The following DACH1 variants were observed in gnomAD, a reference collection of about 807,000 sequenced individuals.
DACH1 encodes dachshund family transcription factor 1, also known as dachshund homolog 1.
Under a neutral mutation model 54.2 loss-of-function variants are expected in DACH1, and 12 were observed. That is an observed-to-expected ratio of 0.22 (90% CI 0.14 to 0.36). The LOEUF is 0.36. Among genes scored for constraint, DACH1 ranks in the 10% least tolerant of loss-of-function variants. The pLI is 1.00. For missense variants in DACH1, 805 were observed against 929.8 expected (o/e 0.87, Z 1.75); for synonymous variants, 386 against 366.2 (o/e 1.05, Z -0.62).
chr13:71,477,942 G>A (rs980461649), intron 8 of DACH1, among the ~76,000 whole-genome samples: 1 of 152,146 alleles, frequency 6.6e-6, no homozygotes. Context: ...TTGCCCTCTA[G>A]TGGTTAACGA....
intron 6 of DACH1, among the ~76,000 whole-genome samples, chr13:71,518,853 T>G (rs768988238): frequency 1.3e-5 from 2 of 151,816 alleles, no homozygotes; most frequent in Admixed American, 1.3e-4. Flanking sequence ...GTACAGCTAG[T>G]GAGCAAAGAA....
At chr13:71,484,538 G>A (rs1471483060) in intron 7 of DACH1, among the ~76,000 whole-genome samples, 3 of 152,130 alleles carry the variant, frequency 2.0e-5, no homozygotes, top group South Asian at 4.1e-4. Context: ...CATGTAGGTA[G>A]ACTATAGTGA....
rs1191951724 is a variant in DACH1, at chr13:71,554,203, T to A, written c.1570+2821A>T. Reference sequence around the variant, plus strand: ...TTAGAAAGCCTATGAATATTTACTATTAATTCACTATATTAAAAACTAGAT... The same window carrying A: ...TTAGAAAGCCTATGAATATTTACTAATAATTCACTATATTAAAAACTAGAT... On this transcript the variant is annotated intron_variant, in intron 6 of 10. Coordinates refer to ENST00000613252, the MANE Select transcript of DACH1 (RefSeq NM_080759.6). Among the ~76,000 whole-genome samples, 3 of 152,128 alleles carry A rather than the reference T, an allele frequency of 2.0e-5. 1 individual carries two copies. Among genetic ancestry groups the A allele is most frequent in the African/African-American group, 7.2e-5 (3 of 41,538 alleles).
chr13:71,506,321 A>T (rs1185487939), intron 6 of DACH1, among the ~76,000 whole-genome samples: 1 of 124,132 alleles, frequency 8.1e-6, no homozygotes, highest in African/African-American at 3.1e-5. Flanking sequence ...AGAGTGTGAT[A>T]TTCCCCTTCC....
intron 1 of DACH1, among the ~76,000 whole-genome samples, chr13:71,822,067 A>G (rs1467310127): frequency 6.6e-6 from 1 of 152,124 alleles, no homozygotes; most frequent in Non-Finnish European, 1.5e-5. Flanking sequence ...CAAAAAAAAG[A>G]AAAGAAAAGA....
intron 3 of DACH1, among the ~76,000 whole-genome samples, chr13:71,601,494 T>C (rs981964324): frequency 1.3e-5 from 2 of 152,072 alleles, no homozygotes; most frequent in Non-Finnish European, 2.9e-5. Context: ...TTGTTCTAGT[T>C]AATATGAATT....
chr13:71,488,800 AATATAT>A (rs148136679), intron 7 of DACH1, among the ~76,000 whole-genome samples, 191 bp downstream of exon 7: 12 of 148,494 alleles, frequency 8.1e-5, no homozygotes, highest in African/African-American at 3.0e-4. Flanking sequence ...CATATATATG[AATATAT>A]ATATATATAT....
At chr13:71,473,296 T>A (rs1593749256) in intron 10 of DACH1, among the ~76,000 whole-genome samples, 1 of 152,216 alleles carries the variant, frequency 6.6e-6, no homozygotes, top group Non-Finnish European at 1.5e-5. Flanking sequence ...TAAATTACTA[T>A]GTATAATTGT....
intron 6 of DACH1, among the ~76,000 whole-genome samples, chr13:71,490,613 A>G (rs1878900064): frequency 6.6e-6 from 1 of 152,210 alleles, no homozygotes; most frequent in African/African-American, 2.4e-5. Context: ...TTTCTTTTTA[A>G]TCACACTTGT....
rs755400244 is a variant in DACH1, at chr13:71,579,880, C to T, written c.1127-6868G>A. Among the ~76,000 whole-genome samples, 8 of 151,834 alleles carry T rather than the reference C, an allele frequency of 5.3e-5. No homozygotes were observed. In the South Asian group the frequency reaches 1.0e-3, roughly 20 times the overall value. On this transcript the variant is annotated intron_variant, in intron 3 of 10. Coordinates refer to ENST00000613252, the MANE Select transcript of DACH1 (RefSeq NM_080759.6). ...ATTAGCACCATGCTGTAAGTGTTAACCAGGGAAAATAGATCCACACACCAA... is the reference window on the plus strand; with the variant it reads ...ATTAGCACCATGCTGTAAGTGTTAATCAGGGAAAATAGATCCACACACCAA...
At chr13:71,475,018 G>T in intron 10 of DACH1, 123 bp downstream of exon 10, 1 of 773,824 alleles carries the variant, frequency 1.3e-6, no homozygotes, top group South Asian at 1.6e-5. Context: ...AGATGAACTT[G>T]ACCTTGTTTG....
chr13:71,455,240 T>G lies in DACH1; in HGVS notation c.2084-14548A>C, dbSNP rs754554437. On this transcript the variant is annotated intron_variant, in intron 10 of 10. Transcript: ENST00000613252. ...ATTTATTTTCACACTTTTAAAAGAT[T>G]TGTTTTGTCATACACACACAAACAC... Among the ~76,000 whole-genome samples the G allele has an allele frequency of 8.4e-4, 128 of 152,068 alleles. 2 individuals carry two copies. The highest frequency in any genetic ancestry group is 1.8e-3 in the Non-Finnish European group (120 of 67,984).
At chr13:71,844,065 C>T (rs988682341) in intron 1 of DACH1, among the ~76,000 whole-genome samples, 3 of 152,104 alleles carry the variant, frequency 2.0e-5, no homozygotes, top group African/African-American at 4.8e-5. Flanking sequence ...TTCAGCATAT[C>T]CTTATTTTCC....
intron 1 of DACH1, among the ~76,000 whole-genome samples, chr13:71,751,282 CT>C (rs1175028880): frequency 3.9e-5 from 6 of 152,164 alleles, no homozygotes; most frequent in Non-Finnish European, 4.4e-5. Flanking sequence ...TGCTTAAGTG[CT>C]GTTTACTATA....
rs900888541 is a variant in DACH1 at position 71,867,106 on chromosome 13, C to G, written c.-337G>C. 4 of 224,588 alleles carry G rather than the reference C, an allele frequency of 1.8e-5. No homozygotes were observed. The highest frequency in any genetic ancestry group is 3.5e-5 in the Non-Finnish European group (4 of 115,624). 13.9% of individuals were successfully genotyped at this position (224,588 alleles called of 1,614,324 possible). On this transcript the variant is annotated 5_prime_UTR_variant, in exon 1 of 11. Transcript: ENST00000613252. Reference sequence around the variant, plus strand: ...GGGTCGGCTGTTGTTGTGTGGGTCTCGCTCTAGCACAAAGTTAAGGATGAA... The same window carrying G: ...GGGTCGGCTGTTGTTGTGTGGGTCTGGCTCTAGCACAAAGTTAAGGATGAA...
chr13:71,752,260 A>G (rs1207516289), intron 1 of DACH1, among the ~76,000 whole-genome samples: 5 of 152,300 alleles, frequency 3.3e-5, no homozygotes, highest in African/African-American at 1.2e-4. Flanking sequence ...GCACAATCGT[A>G]CATTAAATAC....
intron 1 of DACH1, among the ~76,000 whole-genome samples, chr13:71,797,182 T>G (rs1887091054): frequency 6.6e-6 from 1 of 152,156 alleles, no homozygotes; most frequent in African/African-American, 2.4e-5. Flanking sequence ...TGTACTTACC[T>G]TGTGTTGATT....
chr13:71,467,232 A>G (rs939265483), intron 10 of DACH1, among the ~76,000 whole-genome samples: 5 of 151,136 alleles, frequency 3.3e-5, no homozygotes, highest in African/African-American at 1.2e-4. Context: ...AAAAAACAGT[A>G]TTACTTTTTA....
At chr13:71,552,297 T>C (rs1883867175) in intron 6 of DACH1, among the ~76,000 whole-genome samples, 1 of 152,122 alleles carries the variant, frequency 6.6e-6, no homozygotes, top group Non-Finnish European at 1.5e-5. Flanking sequence ...AAGACCAAAA[T>C]ACAATAATAC....
Sources: allele counts gnomAD v4.1 joint callset (sites outside exome capture counted in the v4.1 genomes callset), GRCh38; gene constraint gnomAD v4.1.1; transcripts MANE v1.5; gene names NCBI Gene and HGNC (gene_info 2026-07-23, HGNC 2026-07-21).